RASSF9: variants seen among roughly 807,000 people sequenced by gnomAD.
RASSF9 encodes ras association domain-containing protein 9.
In RASSF9, 18 loss-of-function variants were observed where a neutral mutation model predicts 21.4. The ratio of observed to expected loss-of-function variants is 0.84; its 90% CI spans 0.58 to 1.25. The LOEUF (loss-of-function observed/expected upper bound fraction) is 1.25, where lower values mean the gene tolerates loss of function less well. Ranked by LOEUF, RASSF9 falls within the 50% of genes most tolerant of loss-of-function variation. The probability of loss-of-function intolerance (pLI) is 0.00; values close to 1 mark genes in which losing one functional copy is unlikely to be tolerated. For synonymous variants in RASSF9, 183 were observed against 179.1 expected, an observed-to-expected ratio of 1.02 and a Z score of -0.18; for missense variants, 480 against 503.2, an observed-to-expected ratio of 0.95 and a Z score of 0.44.
chr12:85,815,176 A>AG (rs947966232), intron 1 of RASSF9, among the ~76,000 whole-genome samples: 1 of 150,816 alleles, frequency 6.6e-6, no homozygotes, highest in African/African-American at 2.5e-5. Context: ...AGAGAGAGAG[A>AG]AAAAAAAACC....
At chr12:85,822,986 G>T (rs2136559760) in intron 1 of RASSF9, among the ~76,000 whole-genome samples, 1 of 152,188 alleles carries the variant, frequency 6.6e-6, no homozygotes, top group South Asian at 2.1e-4. Flanking sequence ...GGATCACGAG[G>T]TCAGGAGATC....
intron 1 of RASSF9, among the ~76,000 whole-genome samples, chr12:85,832,351 T>C (rs574928794): frequency 3.2e-4 from 48 of 152,024 alleles, no homozygotes; most frequent in African/African-American, 1.1e-3. Context: ...CCAAATCTTA[T>C]TAATTAAAAC....
intron 1 of RASSF9, among the ~76,000 whole-genome samples, chr12:85,813,250 A>AAT (rs1488045437): frequency 6.6e-6 from 1 of 151,918 alleles, no homozygotes; most frequent in East Asian, 1.9e-4. Flanking sequence ...TGAAAAATTG[A>AAT]ATATGAAACT....
At position 85,818,174 on chromosome 12, in the gene RASSF9, CAT is replaced by C. The variant is rs770831376; in HGVS notation, c.48-12214_48-12213del. ...AAAGATACATTGGATAATAATAACT[CAT>C]ATTTATTGTATGCTTAGTAAATGTC... On this transcript the variant is annotated intron_variant, in intron 1 of 1. Transcript: ENST00000361228. 1.0e-3 allele frequency among the ~76,000 whole-genome samples: 152 copies of C among 152,288 alleles called. 2 individuals carry two copies. The highest frequency in any genetic ancestry group is 1.0e-3 in the Non-Finnish European group (68 of 68,022).
At chr12:85,818,304 G>A (rs1880123607) in intron 1 of RASSF9, among the ~76,000 whole-genome samples, 1 of 152,136 alleles carries the variant, frequency 6.6e-6, no homozygotes, top group African/African-American at 2.4e-5. Context: ...GAAAACTGAG[G>A]CACAAGAGAT....
chr12:85,813,673 T>G (rs1880000718), intron 1 of RASSF9, among the ~76,000 whole-genome samples: 1 of 151,876 alleles, frequency 6.6e-6, no homozygotes, highest in Non-Finnish European at 1.5e-5. Flanking sequence ...TTCTTCCTAG[T>G]GTATAGTAAA....
intron 1 of RASSF9, among the ~76,000 whole-genome samples, chr12:85,810,936 T>A (rs753923331): frequency 6.6e-6 from 1 of 151,878 alleles, no homozygotes; most frequent in Non-Finnish European, 1.5e-5. Flanking sequence ...TGTGTGTGTT[T>A]GTTGGGGCTG....
rs764236118 is a variant in RASSF9 at position 85,804,971 on chromosome 12, C to T, written c.1039G>A (p.Asp347Asn). The T allele has an allele frequency of 1.2e-6, 2 of 1,613,802 alleles. No individual in the cohort carries two copies. The highest frequency in any genetic ancestry group is 1.1e-5 in the South Asian group (1 of 91,070). Residue 347 changes from aspartate to asparagine, a missense_variant, in exon 2 of 2, where the codon GAC (aspartate) becomes AAC (asparagine). Coordinates refer to ENST00000361228, the MANE Select transcript of RASSF9 (RefSeq NM_005447.4). ...TTTGCTTTCATCTGAAGCAATGAGTCACTGTATTTAATCTCTTTCTGGATG... is the reference window on the plus strand; with the variant it reads ...TTTGCTTTCATCTGAAGCAATGAGTTACTGTATTTAATCTCTTTCTGGATG... ...SGIQKEIKYS[D>N]SLLQMKAKEY...
In RASSF9 at chr12:85,804,901, C is replaced by T; in HGVS notation, c.1109G>A (p.Ser370Asn). 1.9e-6 allele frequency: 3 copies of T among 1,613,816 alleles called. No individual in the cohort carries two copies. The highest frequency in any genetic ancestry group is 1.1e-5 in the South Asian group (1 of 91,074). ...LAKEFNSLHISNKDGCQLKEN... is the reference protein window; with the variant it reads ...LAKEFNSLHINNKDGCQLKEN... Reference sequence around the variant, plus strand: ...CTTTAACTGGCACCCATCTTTGTTGCTAATGTGAAGTGAATTGAATTCCTT... The same window carrying T: ...CTTTAACTGGCACCCATCTTTGTTGTTAATGTGAAGTGAATTGAATTCCTT... Residue 370 changes from serine (S) to asparagine (N), a missense_variant, in exon 2 of 2, where the codon AGC (serine) becomes AAC (asparagine). Coordinates refer to ENST00000361228, the MANE Select transcript of RASSF9 (RefSeq NM_005447.4).
intron 1 of RASSF9, among the ~76,000 whole-genome samples, chr12:85,819,297 C>A (rs1425177093): frequency 6.6e-6 from 1 of 151,790 alleles, no homozygotes; most frequent in Non-Finnish European, 1.5e-5. Context: ...CCTCAGCCTC[C>A]CAAGGTGCTG....
Position 85,804,435 on chromosome 12 carries a change from A to G in RASSF9, c.*267T>C, listed in dbSNP as rs1298625168. The G allele has an allele frequency of 1.1e-5, 4 of 354,916 alleles. No homozygotes were observed. Among genetic ancestry groups the G allele is most frequent in the Non-Finnish European group, 2.0e-5 (4 of 197,070 alleles). The allele number at this position is 354,916 out of a possible 1,614,324, so 22.0% of individuals were successfully genotyped here. On this transcript the variant is annotated 3_prime_UTR_variant, in exon 2 of 2. Coordinates refer to ENST00000361228, the MANE Select transcript of RASSF9 (RefSeq NM_005447.4). ...CACAGACGCTAAGGAAGATTATCAT[A>G]TGATTCCCATCAAATTATTTCTGTG...
At chr12:85,825,783 T>TACACAC (rs112920213) in intron 1 of RASSF9, among the ~76,000 whole-genome samples, 14 of 147,192 alleles carry the variant, frequency 9.5e-5, no homozygotes, top group South Asian at 6.6e-4. Flanking sequence ...ATGTGATCTT[T>TACACAC]ACACACACAC....
intron 1 of RASSF9, among the ~76,000 whole-genome samples, chr12:85,813,324 A>G (rs1373989924): frequency 6.6e-6 from 1 of 151,976 alleles, no homozygotes; most frequent in Non-Finnish European, 1.5e-5. Context: ...ATTAGCATTA[A>G]TAACATAAAA....
chr12:85,836,305 C>T lies in RASSF9; in HGVS notation c.-104G>A, dbSNP rs1171971193. 3.9e-6 allele frequency: 6 copies of T among 1,536,774 alleles called. No homozygotes were observed. The highest frequency in any genetic ancestry group is 3.5e-6 in the Non-Finnish European group (4 of 1,140,324). ...TGAAGGGAGGAGGGCTGGAAGCTTT[C>T]TCTTCTCCTCGGATGTTCCTGGCTT... On this transcript the variant is annotated 5_prime_UTR_variant, in exon 1 of 2. Transcript: ENST00000361228.
chr12:85,815,429 C>T (rs969301435), intron 1 of RASSF9, among the ~76,000 whole-genome samples: 2 of 151,996 alleles, frequency 1.3e-5, no homozygotes. Flanking sequence ...GAATATAAAG[C>T]AATGGTTGCT....
At chr12:85,817,480 C>T (rs1482037666) in intron 1 of RASSF9, among the ~76,000 whole-genome samples, 8 of 151,728 alleles carry the variant, frequency 5.3e-5, no homozygotes, top group African/African-American at 1.9e-4. Context: ...AAGAAGCAAT[C>T]CAAACCCAAG....
intron 1 of RASSF9, among the ~76,000 whole-genome samples, chr12:85,830,560 A>C (rs1167452823): frequency 6.6e-6 from 1 of 152,116 alleles, no homozygotes; most frequent in African/African-American, 2.4e-5. Context: ...CCTATACTCA[A>C]TGATTTTTTT....
In RASSF9 at chr12:85,803,846, AT is replaced by A. The variant is rs1482323121; in HGVS notation, c.*855del. 6.6e-6 allele frequency: 1 copy of A among 152,168 alleles called. No individual in the cohort carries two copies. Among genetic ancestry groups the A allele is most frequent in the African/African-American group, 2.4e-5 (1 of 41,452 alleles). The allele number at this position is 152,168 out of a possible 1,614,324, so 9.4% of individuals were successfully genotyped here. On this transcript the variant is annotated 3_prime_UTR_variant, in exon 2 of 2. Coordinates refer to ENST00000361228, the MANE Select transcript of RASSF9 (RefSeq NM_005447.4). The stretch of plus-strand genomic sequence containing the variant: ...AATGCTAATAATTATAGCAGATTCT[AT>A]TTTATCCACAGAAGGGTTCCAAATT...
chr12:85,824,774 C>T (rs1489746313), intron 1 of RASSF9, among the ~76,000 whole-genome samples: 2 of 152,266 alleles, frequency 1.3e-5, no homozygotes, highest in Admixed American at 6.5e-5. Flanking sequence ...CCTGCTGTTA[C>T]ACATATTACA....
Sources: gnomAD v4.1 joint callset for allele counts (sites outside exome capture counted in the v4.1 genomes callset) on GRCh38, gnomAD v4.1.1 for gene constraint, MANE v1.5 for transcripts, NCBI Gene and HGNC (gene_info 2026-07-23, HGNC 2026-07-21) for gene names.